FGF14: variants seen among roughly 807,000 people sequenced by gnomAD.
The protein encoded by FGF14 is fibroblast growth factor 14.
A neutral mutation model predicts 25.5 loss-of-function variants in FGF14; 5 were observed. That is an observed-to-expected ratio of 0.20 (90% confidence interval 0.10 to 0.41). The LOEUF (loss-of-function observed/expected upper bound fraction) is 0.41. Ranked by LOEUF, FGF14 falls within the 10% of genes least tolerant of loss-of-function variation. The pLI, the probability that FGF14 is intolerant of heterozygous loss-of-function variation, is 1.00. For missense variants in FGF14, 222 were observed against 320.1 expected (o/e 0.69, Z 2.34); for synonymous variants, 138 against 118.3 (o/e 1.17, Z -1.08).
At chr13:102,325,730 T>C (rs2056403928) in intron 1 of FGF14, among the ~76,000 whole-genome samples, 1 of 152,224 alleles carries the variant, frequency 6.6e-6, no homozygotes, top group Non-Finnish European at 1.5e-5. Flanking sequence ...CTATGTGCTC[T>C]ACTTATCTAC....
chr13:102,183,457 A>G (rs1052612344), intron 1 of FGF14, among the ~76,000 whole-genome samples: 1 of 152,178 alleles, frequency 6.6e-6, no homozygotes, highest in Non-Finnish European at 1.5e-5. Flanking sequence ...CCTGCCATAT[A>G]GACTAGTTAA....
intron 3 of FGF14, among the ~76,000 whole-genome samples, chr13:101,742,796 A>G (rs2036637214): frequency 6.6e-6 from 1 of 152,136 alleles, no homozygotes; most frequent in Non-Finnish European, 1.5e-5. Flanking sequence ...TAAAAAAGCT[A>G]CATACCTCCC....
chr13:102,292,610 G>C (rs2054482473), intron 1 of FGF14: 1 of 152,194 alleles, frequency 6.6e-6, no homozygotes, highest in Non-Finnish European at 1.5e-5. Context: ...CAATTCCCAA[G>C]TCGAAAGTCA....
intron 1 of FGF14, among the ~76,000 whole-genome samples, chr13:102,272,167 G>A (rs1296180569): frequency 6.6e-6 from 1 of 152,070 alleles, no homozygotes; most frequent in Non-Finnish European, 1.5e-5. Context: ...GGTTTTCAGT[G>A]CTGTAGCCTT....
At chr13:102,017,920 T>C (rs796878464) in intron 1 of FGF14, among the ~76,000 whole-genome samples, 3 of 152,240 alleles carry the variant, frequency 2.0e-5, no homozygotes, top group South Asian at 4.1e-4. Flanking sequence ...TACTGAATTT[T>C]TAATTTCCAA....
intron 1 of FGF14, among the ~76,000 whole-genome samples, chr13:101,964,512 G>A (rs891611367): frequency 3.3e-5 from 5 of 152,216 alleles, no homozygotes; most frequent in African/African-American, 7.2e-5. Context: ...CCTGACACCC[G>A]TTTTTAGAGC....
rs937814278 is a variant in FGF14 at position 102,120,788 on chromosome 13, C to T, written c.209-245492G>A. Among the ~76,000 whole-genome samples the T allele has an allele frequency of 3.8e-4, 57 of 151,898 alleles. 1 individual carries two copies. Among genetic ancestry groups the T allele is most frequent in the Non-Finnish European group, 4.3e-4 (29 of 68,000 alleles). ...ACACGATCTCAGCTCACTGCAACCA[C>T]CACCTTCCAGGCTCAAGCGATTCTC... On this transcript the variant is annotated intron_variant, in intron 1 of 4. Transcript: ENST00000376131.
intron 1 of FGF14, among the ~76,000 whole-genome samples, chr13:102,184,243 C>T (rs2048792103): frequency 1.3e-5 from 2 of 151,888 alleles, no homozygotes; most frequent in South Asian, 4.2e-4. Context: ...CAGGATACTA[C>T]AAAGATGTCA....
chr13:101,981,829 G>A (rs2038286563), intron 1 of FGF14, among the ~76,000 whole-genome samples: 1 of 152,140 alleles, frequency 6.6e-6, no homozygotes, highest in African/African-American at 2.4e-5. Context: ...GCTGAGAAAG[G>A]CAGAGATGAA....
At chr13:102,304,949 G>C (rs1401297218) in intron 1 of FGF14, among the ~76,000 whole-genome samples, 1 of 152,160 alleles carries the variant, frequency 6.6e-6, no homozygotes, top group Non-Finnish European at 1.5e-5. Context: ...TGTGTGAAAT[G>C]ATGAATGTCT....
chr13:102,325,250 C>A, intron 1 of FGF14, among the ~76,000 whole-genome samples: 1 of 149,886 alleles, frequency 6.7e-6, no homozygotes. Flanking sequence ...TTTTTTTTTC[C>A]AAAGAATTTT....
At chr13:102,335,339 G>A (rs1391236669) in intron 1 of FGF14, among the ~76,000 whole-genome samples, 1 of 151,842 alleles carries the variant, frequency 6.6e-6, no homozygotes. Flanking sequence ...TTAGATTTTG[G>A]ACCTCATGGA....
rs1465517003 is a variant in FGF14 at position 102,312,641 on chromosome 13, G to A, written c.208+88830C>T. Among the ~76,000 whole-genome samples, 3 of 152,130 alleles carry A rather than the reference G, an allele frequency of 2.0e-5. No individual in the cohort carries two copies. In the East Asian group the frequency reaches 5.8e-4, roughly 29 times the overall value. Reference sequence around the variant, plus strand: ...GGAATTCCAACTACCCCCCTGGATGGCTTAAAGGGATAGAGACATCAGTGA... The same window carrying A: ...GGAATTCCAACTACCCCCCTGGATGACTTAAAGGGATAGAGACATCAGTGA... On this transcript the variant is annotated intron_variant, in intron 1 of 4. Coordinates refer to the FGF14 transcript ENST00000376131.
intron 1 of FGF14, among the ~76,000 whole-genome samples, chr13:101,943,826 A>AT (rs1248619839): frequency 0.052 from 6,590 of 126,606 alleles, 214 homozygotes; most frequent in Non-Finnish European, 0.075. Context: ...AAAAAAAAAA[A>AT]ATATATATAT....
chr13:102,041,197 TATAAA>T (rs2041718202), intron 1 of FGF14, among the ~76,000 whole-genome samples: 1 of 151,854 alleles, frequency 6.6e-6, no homozygotes, highest in Non-Finnish European at 1.5e-5. Flanking sequence ...TGCCCTATAA[TATAAA>T]AGAGCAAGAA....
chr13:102,192,970 C>T (rs1281906502), intron 1 of FGF14, among the ~76,000 whole-genome samples: 1 of 152,116 alleles, frequency 6.6e-6, no homozygotes, highest in Non-Finnish European at 1.5e-5. Flanking sequence ...GCAATTTTGG[C>T]TTTTTCTAGC....
chr13:101,722,847 T>G lies in FGF14; in HGVS notation c.728A>C (p.Lys243Thr). 1 of 1,613,342 alleles carries G rather than the reference T, an allele frequency of 6.2e-7. No homozygotes were observed. Among genetic ancestry groups the G allele is most frequent in the Non-Finnish European group, 8.5e-7 (1 of 1,179,540 alleles). ...AGGATCTGGCTATGTTGTCTTACTC[T>G]TGTTGACTGGTTTGCCTCCATTCAT... is the stretch of plus-strand genomic sequence containing the variant. ...AIMNGGKPVN[K>T]SKTT The change falls in exon 5 of 5, where the codon AAG (lysine) becomes ACG (threonine). Residue 243 changes from lysine (K) to threonine (T), a missense_variant. By Grantham distance (78) the Lys-to-Thr change is moderately conservative. Coordinates refer to ENST00000376143, the MANE Select transcript of FGF14 (RefSeq NM_004115.4).
intron 1 of FGF14, among the ~76,000 whole-genome samples, chr13:102,148,637 C>T (rs1042892129): frequency 7.2e-5 from 11 of 151,844 alleles, no homozygotes; most frequent in African/African-American, 1.9e-4. Context: ...GGTGAAACCC[C>T]GTCTCTACCA....
intron 1 of FGF14, among the ~76,000 whole-genome samples, chr13:102,160,900 T>C (rs1480313350): frequency 3.3e-5 from 5 of 152,212 alleles, no homozygotes; most frequent in Non-Finnish European, 7.3e-5. Context: ...CAAAATGTAG[T>C]GTTGAATTAC....
Sources: allele counts gnomAD v4.1 joint callset (sites outside exome capture counted in the v4.1 genomes callset), GRCh38; gene constraint gnomAD v4.1.1; transcripts MANE v1.5; gene names NCBI Gene and HGNC (gene_info 2026-07-23, HGNC 2026-07-21).